The following DSCAM variants were observed in gnomAD, a reference collection of about 807,000 sequenced individuals.
DSCAM encodes the protein DS cell adhesion molecule, also known as cell adhesion molecule DSCAM.
In DSCAM, 47 loss-of-function variants were observed where a neutral mutation model predicts 217.7. That is an observed-to-expected ratio of 0.22 (90% CI 0.17 to 0.28). DSCAM has a LOEUF of 0.28. DSCAM is among the 10% of genes least tolerant of loss of function. DSCAM has a pLI of 1.00. For missense variants in DSCAM, 2,080 were observed against 2,618.3 expected, an observed-to-expected ratio of 0.79 and a Z score of 4.49; for synonymous variants, 1,056 against 1,015.3, an observed-to-expected ratio of 1.04 and a Z score of -0.76.
rs71186930 is a variant in DSCAM at position 40,364,690 on chromosome 21, G to GTATATA, written c.655+4403_655+4408dup. Among the ~76,000 whole-genome samples the GTATATA allele has an allele frequency of 5.3e-3, 766 of 144,042 alleles. 2 individuals carry two copies. Among genetic ancestry groups the GTATATA allele is most frequent in the African/African-American group, 0.017 (638 of 38,594 alleles). 94.5% of individuals were successfully genotyped at this position (144,042 alleles called of 152,430 possible). ...ACTTAAAGTACAATTAAAAAAAAGT[G>GTATATA]TATATATATATATATATACACACAC... On this transcript the variant is annotated intron_variant, in intron 4 of 32. Coordinates refer to ENST00000400454, the MANE Select transcript of DSCAM (RefSeq NM_001389.5).
chr21:40,615,832 TA>T (rs1240525954), intron 3 of DSCAM, among the ~76,000 whole-genome samples: 1 of 151,846 alleles, frequency 6.6e-6, no homozygotes. Flanking sequence ...TCGGCTCTAT[TA>T]AAAAAAGAAA....
At chr21:40,700,113 G>T (rs1281219611) in intron 2 of DSCAM, among the ~76,000 whole-genome samples, 2 of 152,096 alleles carry the variant, frequency 1.3e-5, no homozygotes, top group Non-Finnish European at 2.9e-5. Flanking sequence ...TTATTTCTTA[G>T]AATTAATTAT....
At chr21:40,653,331 GC>G (rs2090037789) in intron 3 of DSCAM, among the ~76,000 whole-genome samples, 1 of 152,162 alleles carries the variant, frequency 6.6e-6, no homozygotes, top group South Asian at 2.1e-4. Context: ...GCTTTGATGT[GC>G]CCAGGTGGAT....
At chr21:40,616,173 T>C (rs1344933925) in intron 3 of DSCAM, among the ~76,000 whole-genome samples, 2 of 152,200 alleles carry the variant, frequency 1.3e-5, no homozygotes. Flanking sequence ...AAGCACAGAA[T>C]GACTGGGAAG....
At chr21:40,352,817 T>C (rs374560115) in intron 5 of DSCAM, among the ~76,000 whole-genome samples, 15 of 152,194 alleles carry the variant, frequency 9.9e-5, no homozygotes, top group African/African-American at 3.6e-4. Flanking sequence ...TAGATTAGAT[T>C]GTGACCCTGC....
intron 3 of DSCAM, among the ~76,000 whole-genome samples, chr21:40,428,833 T>TACACAC (rs35691309): frequency 3.6e-4 from 53 of 149,190 alleles, no homozygotes; most frequent in Admixed American, 8.7e-4. Context: ...AGCGACCTAA[T>TACACAC]ACACACACAC....
At chr21:40,817,819 G>A (rs918913972) in intron 1 of DSCAM, among the ~76,000 whole-genome samples, 4 of 151,434 alleles carry the variant, frequency 2.6e-5, no homozygotes, top group East Asian at 2.0e-4. Flanking sequence ...CCCGGTGGCC[G>A]GGCGCGGTGG....
At chr21:40,363,403 C>T (rs1255695277) in intron 4 of DSCAM, among the ~76,000 whole-genome samples, 1 of 151,832 alleles carries the variant, frequency 6.6e-6, no homozygotes, top group African/African-American at 2.4e-5. Flanking sequence ...CAGGCACCCA[C>T]CACTATACCT....
rs768947156 is a variant in DSCAM at position 40,807,117 on chromosome 21, C to G, written c.43+39502G>C. On this transcript the variant is annotated intron_variant, in intron 1 of 32. Transcript: ENST00000400454. ...AGAACTTAAAGTATAATGAATCAAT[C>G]AATCAATCAATCAATCAATCAATCA... is the stretch of plus-strand genomic sequence containing the variant. Among the ~76,000 whole-genome samples the G allele has an allele frequency of 1.1e-4, 9 of 78,786 alleles. No individual in the cohort carries two copies. The South Asian group carries it at 1.3e-3, about 11-fold the overall frequency. The allele number at this position is 78,786 out of a possible 152,430, so 51.7% of individuals were successfully genotyped here. A position where few individuals can be genotyped will look rare whatever the true frequency, so the allele number is the denominator to read the frequency against.
chr21:40,578,429 TCAGCACTCTGTAAAACAG>T (rs2076873041), intron 3 of DSCAM, among the ~76,000 whole-genome samples: 1 of 40,636 alleles, frequency 2.5e-5, no homozygotes. Context: ...AACGCACCAA[TCAGCACTCTGTAAAACAG>T]ACCAATCAGC....
chr21:40,049,340 G>A (rs537086791), intron 30 of DSCAM, among the ~76,000 whole-genome samples: 2 of 152,110 alleles, frequency 1.3e-5, no homozygotes, highest in South Asian at 2.1e-4. Flanking sequence ...CTCATCATGC[G>A]GGGAACCTTG....
chr21:40,101,257 T>C (rs866256505), intron 20 of DSCAM, among the ~76,000 whole-genome samples: 4 of 152,200 alleles, frequency 2.6e-5, no homozygotes, highest in Non-Finnish European at 4.4e-5. Flanking sequence ...TGTTTAAACA[T>C]GTAGGCTCTA....
chr21:40,805,666 C>A (rs2091779685), intron 1 of DSCAM, among the ~76,000 whole-genome samples: 1 of 151,712 alleles, frequency 6.6e-6, no homozygotes, highest in Non-Finnish European at 1.5e-5. Context: ...TCAGCCCATA[C>A]CATAGTAAAT....
At chr21:40,572,734 G>T (rs951177342) in intron 3 of DSCAM, among the ~76,000 whole-genome samples, 10 of 152,102 alleles carry the variant, frequency 6.6e-5, no homozygotes, top group Admixed American at 2.6e-4. Context: ...ACCTAATAAA[G>T]AGATTCAAAA....
At chr21:40,163,344 T>G (rs2146764114) in intron 16 of DSCAM, among the ~76,000 whole-genome samples, 1 of 152,348 alleles carries the variant, frequency 6.6e-6, no homozygotes, top group Non-Finnish European at 1.5e-5. Context: ...TTCTTTCTGA[T>G]TTTGAATCAG....
intron 3 of DSCAM, among the ~76,000 whole-genome samples, chr21:40,398,310 A>T (rs746302029): frequency 2.0e-4 from 31 of 152,154 alleles, no homozygotes; most frequent in Non-Finnish European, 4.1e-4. Context: ...CCCAGATCCT[A>T]ACCTACAGCC....
chr21:40,134,885 ACTC>A (rs2090191276), intron 18 of DSCAM, among the ~76,000 whole-genome samples: 1 of 152,146 alleles, frequency 6.6e-6, no homozygotes, highest in Non-Finnish European at 1.5e-5. Flanking sequence ...CCTGGAGTGA[ACTC>A]CTCTCAGCTT....
At chr21:40,312,582 TCAA>T (rs752416645) in intron 8 of DSCAM, among the ~76,000 whole-genome samples, 1 of 152,232 alleles carries the variant, frequency 6.6e-6, no homozygotes, top group Non-Finnish European at 1.5e-5. Context: ...TTAATTTTGT[TCAA>T]CAAACTTTAA....
At chr21:40,817,849 C>A (rs2091893075) in intron 1 of DSCAM, among the ~76,000 whole-genome samples, 1 of 151,732 alleles carries the variant, frequency 6.6e-6, no homozygotes, top group Admixed American at 6.6e-5. Context: ...GTAATCCCAG[C>A]ACTTTGGGAG....
Sources: allele counts gnomAD v4.1 joint callset (sites outside exome capture counted in the v4.1 genomes callset), GRCh38; gene constraint gnomAD v4.1.1; transcripts MANE v1.5; gene names NCBI Gene and HGNC (gene_info 2026-07-23, HGNC 2026-07-21).